Variants in DCLK2 observed in about 807,000 individuals in gnomAD.
DCLK2 encodes doublecortin like kinase 2.
In DCLK2, 31 loss-of-function variants were observed where a neutral mutation model predicts 78.4. The ratio of observed to expected loss-of-function variants is 0.40; its 90% CI spans 0.30 to 0.53. The LOEUF (loss-of-function observed/expected upper bound fraction) is 0.53. DCLK2 is among the 20% of genes least tolerant of loss of function. The probability of loss-of-function intolerance (pLI) is 0.61; values close to 1 mark genes in which losing one functional copy is unlikely to be tolerated. For synonymous variants in DCLK2, 407 were observed against 374.9 expected, an observed-to-expected ratio of 1.09 and a Z score of -0.99; for missense variants, 872 against 973.7, an observed-to-expected ratio of 0.90 and a Z score of 1.39.
At chr4:150,188,737 T>A (rs1227707683) in intron 2 of DCLK2, among the ~76,000 whole-genome samples, 1 of 151,384 alleles carries the variant, frequency 6.6e-6, no homozygotes, top group Non-Finnish European at 1.5e-5. Flanking sequence ...CCATCTCTAC[T>A]AAAAATACAA....
chr4:150,214,969 A>G (rs865993122), intron 5 of DCLK2, among the ~76,000 whole-genome samples: 55 of 146,002 alleles, frequency 3.8e-4, no homozygotes, highest in African/African-American at 6.7e-4. Flanking sequence ...AAAAAAAAAA[A>G]AAAGAAAGAA....
At chr4:150,086,948 T>C (rs996667423) in intron 1 of DCLK2, among the ~76,000 whole-genome samples, 2 of 152,250 alleles carry the variant, frequency 1.3e-5, no homozygotes, top group African/African-American at 4.8e-5. Context: ...ATTCTCATTT[T>C]AAGCAATTGT....
chr4:150,119,423 A>G (rs1286508754), intron 2 of DCLK2, among the ~76,000 whole-genome samples: 2 of 152,220 alleles, frequency 1.3e-5, no homozygotes, highest in African/African-American at 2.4e-5. Context: ...GAGAGATACT[A>G]TCAAAGCTGT....
intron 10 of DCLK2, among the ~76,000 whole-genome samples, chr4:150,234,909 G>A (rs904829923): frequency 1.3e-5 from 2 of 152,276 alleles, no homozygotes; most frequent in Admixed American, 1.3e-4. Flanking sequence ...AGCATGCCAG[G>A]CTCCTCCACC....
intron 2 of DCLK2, among the ~76,000 whole-genome samples, chr4:150,192,731 C>T (rs1474659614): frequency 6.6e-6 from 1 of 152,008 alleles, no homozygotes; most frequent in African/African-American, 2.4e-5. Context: ...AGAAGTCACA[C>T]CCAAGGTCAC....
rs552717714 is a variant in DCLK2 at position 150,214,917 on chromosome 4, G to A, written c.1057-5786G>A. Among the ~76,000 whole-genome samples the A allele has an allele frequency of 1.5e-4, 22 of 147,004 alleles. No individual in the cohort carries two copies. The South Asian group carries it at 1.5e-3, about 10-fold the overall frequency. On this transcript the variant is annotated intron_variant, in intron 5 of 15. Coordinates refer to ENST00000296550, the MANE Select transcript of DCLK2 (RefSeq NM_001040260.4). Reference sequence around the variant, plus strand: ...GCAGAGGTTGCAGTGAGCAGAGATCGTGCCACTGCACTCCACCCTGGGTGA... The same window carrying A: ...GCAGAGGTTGCAGTGAGCAGAGATCATGCCACTGCACTCCACCCTGGGTGA...
intron 6 of DCLK2, among the ~76,000 whole-genome samples, chr4:150,221,372 A>G (rs1367774329): frequency 3.3e-5 from 5 of 150,226 alleles, no homozygotes; most frequent in African/African-American, 1.2e-4. Context: ...TTTCTTGAAC[A>G]TCGACAAAAA....
chr4:150,193,072 A>T, intron 2 of DCLK2, 66 bp from the exon 3 acceptor site: 1 of 933,542 alleles, frequency 1.1e-6, no homozygotes, highest in Non-Finnish European at 1.7e-6. Flanking sequence ...AAATTCATTT[A>T]GTTTTGCTTT....
chr4:150,217,958 G>A (rs980242774), intron 5 of DCLK2, among the ~76,000 whole-genome samples: 1 of 152,176 alleles, frequency 6.6e-6, no homozygotes, highest in African/African-American at 2.4e-5. Flanking sequence ...CTAAGAAGCT[G>A]CATTTCCTGG....
chr4:150,198,685 A>G (rs989264031), intron 4 of DCLK2, among the ~76,000 whole-genome samples: 7 of 152,224 alleles, frequency 4.6e-5, no homozygotes, highest in Non-Finnish European at 1.5e-5. Flanking sequence ...AAAAACATAC[A>G]TAAATATCTT....
At chr4:150,251,827 C>T (rs1399328965) in intron 15 of DCLK2, among the ~76,000 whole-genome samples, 2 of 149,928 alleles carry the variant, frequency 1.3e-5, no homozygotes, top group East Asian at 2.0e-4. Flanking sequence ...AGGTTCTCAG[C>T]ACCCACTGGG....
At chr4:150,136,979 C>CTTTTTTTTTTTT (rs35729685) in intron 2 of DCLK2, among the ~76,000 whole-genome samples, 30 of 82,398 alleles carry the variant, frequency 3.6e-4, no homozygotes, top group South Asian at 6.4e-4. Context: ...TCTTCTTCTT[C>CTTTTTTTTTTTT]TTTTTTTTTT....
intron 2 of DCLK2, among the ~76,000 whole-genome samples, chr4:150,117,083 GCA>G (rs1307800419): frequency 7.2e-5 from 11 of 152,128 alleles, no homozygotes; most frequent in Non-Finnish European, 1.6e-4. Context: ...GCTGGATAAG[GCA>G]GGACTGCACT....
intron 5 of DCLK2, among the ~76,000 whole-genome samples, chr4:150,210,801 T>A (rs1344217935): frequency 6.7e-6 from 1 of 150,072 alleles, no homozygotes; most frequent in Non-Finnish European, 1.5e-5. Flanking sequence ...TAGAAAAACT[T>A]GCTGGGTGTG....
chr4:150,125,273 G>A (rs1732840780), intron 2 of DCLK2, among the ~76,000 whole-genome samples: 1 of 151,982 alleles, frequency 6.6e-6, no homozygotes, highest in African/African-American at 2.4e-5. Flanking sequence ...TTGCTCTCAA[G>A]GCTCATTTCC....
chr4:150,175,195 CTATATATATT>C lies in DCLK2; in HGVS notation c.757-17929_757-17920del, dbSNP rs1482411620. 8.2e-3 allele frequency among the ~76,000 whole-genome samples: 662 copies of C among 81,158 alleles called. 36 individuals are homozygous for C. The highest frequency in any genetic ancestry group is 0.022 in the Middle Eastern group (4 of 184). 53.2% of individuals were successfully genotyped at this position (81,158 alleles called of 152,430 possible). On this transcript the variant is annotated intron_variant, in intron 2 of 15. Coordinates refer to ENST00000296550, the MANE Select transcript of DCLK2 (RefSeq NM_001040260.4). ...ATATTTATATATATTTATAATTTAT[CTATATATATT>C]TATATATATTTATCTATATATATTT...
At chr4:150,082,112 T>G (rs558505854) in intron 1 of DCLK2, among the ~76,000 whole-genome samples, 2 of 152,312 alleles carry the variant, frequency 1.3e-5, no homozygotes, top group Non-Finnish European at 2.9e-5. Flanking sequence ...GCTCAGATTT[T>G]TCATGTAGGA....
intron 1 of DCLK2, among the ~76,000 whole-genome samples, chr4:150,098,267 G>A (rs1730607408): frequency 6.6e-6 from 1 of 152,134 alleles, no homozygotes; most frequent in South Asian, 2.1e-4. Flanking sequence ...AGAGGGGGAT[G>A]TTTGGTATTG....
chr4:150,215,737 A>C (rs1740657043), intron 5 of DCLK2, among the ~76,000 whole-genome samples: 1 of 152,184 alleles, frequency 6.6e-6, no homozygotes, highest in African/African-American at 2.4e-5. Context: ...ATGACTGGAC[A>C]AAAAGGGGTA....
Sources: gnomAD v4.1 joint callset for allele counts (sites outside exome capture counted in the v4.1 genomes callset) on GRCh38, gnomAD v4.1.1 for gene constraint, MANE v1.5 for transcripts, NCBI Gene and HGNC (gene_info 2026-07-23, HGNC 2026-07-21) for gene names.